PMS1: variants seen among roughly 807,000 people sequenced by gnomAD.
PMS1 encodes the protein PMS1 protein homolog 1.
PMS1 carries 79 observed loss-of-function variants against 93.1 expected under a neutral mutation model. The observed-to-expected ratio is 0.85, with a 90% CI of 0.71 to 1.02. PMS1 has a LOEUF of 1.02. Among genes scored for constraint, PMS1 ranks in the 50% least tolerant of loss-of-function variants. PMS1 has a pLI of 0.00. For missense variants in PMS1, 1,064 were observed against 1,085.3 expected (o/e 0.98, Z 0.28); for synonymous variants, 335 against 363.4 (o/e 0.92, Z 0.89).
At chr2:189,805,839 A>T (rs755473732) in intron 4 of PMS1, 85 bp downstream of exon 4, 1 of 1,576,706 alleles carries the variant, frequency 6.3e-7, no homozygotes, top group Admixed American at 1.8e-5. Context: ...CTCGGTGAAT[A>T]CAAATATATT....
intron 4 of PMS1, among the ~76,000 whole-genome samples, chr2:189,817,692 A>T (rs2051447080): frequency 6.6e-6 from 1 of 152,214 alleles, no homozygotes; most frequent in Non-Finnish European, 1.5e-5. Flanking sequence ...AGTCCAGAAT[A>T]AGCACCATTC....
At chr2:189,871,958 T>G (rs1183085577) in intron 11 of PMS1, among the ~76,000 whole-genome samples, 1 of 152,150 alleles carries the variant, frequency 6.6e-6, no homozygotes, top group African/African-American at 2.4e-5. Flanking sequence ...AAGAGAGAGA[T>G]GCCAGGCTCT....
chr2:189,825,016 T>C (rs1410727543), intron 5 of PMS1, among the ~76,000 whole-genome samples: 8 of 152,130 alleles, frequency 5.3e-5, no homozygotes, highest in Admixed American at 5.2e-4. Context: ...CTGACGATAT[T>C]GTTGTCTTTA....
intron 5 of PMS1, among the ~76,000 whole-genome samples, chr2:189,843,137 C>T (rs1214330096): frequency 6.6e-6 from 1 of 152,076 alleles, no homozygotes; most frequent in Non-Finnish European, 1.5e-5. Context: ...CCTGCCTCAG[C>T]CTCCCAAGTA....
intron 1 of PMS1, among the ~76,000 whole-genome samples, chr2:189,789,337 A>G (rs889136931): frequency 1.2e-4 from 19 of 152,160 alleles, no homozygotes; most frequent in Non-Finnish European, 2.6e-4. Context: ...GATTTGCTCC[A>G]TTTTTATAGA....
intron 4 of PMS1, among the ~76,000 whole-genome samples, chr2:189,807,262 C>T (rs1289281365): frequency 6.6e-6 from 1 of 151,936 alleles, no homozygotes; most frequent in Non-Finnish European, 1.5e-5. Context: ...CTCATTTATT[C>T]AGTTAATGAA....
At position 189,795,744 on chromosome 2, in the gene PMS1, A is replaced by G. The variant is rs375542461; in HGVS notation, c.133-25A>G. ...TAACAGTTTAATATTTTTACATATT[A>G]AAAGTGTTTTTTGACATTTTATAGG... On this transcript the variant is annotated intron_variant, in intron 2 of 12. Coordinates refer to ENST00000441310, the MANE Select transcript of PMS1 (RefSeq NM_000534.5). The G allele has an allele frequency of 4.5e-6, 7 of 1,564,160 alleles. No individual in the cohort carries two copies. The African/African-American group carries it at 8.1e-5, about 18-fold the overall frequency.
At chr2:189,850,485 G>A (rs541891121) in intron 6 of PMS1, among the ~76,000 whole-genome samples, 1 of 152,322 alleles carries the variant, frequency 6.6e-6, no homozygotes, top group Admixed American at 6.5e-5. Context: ...GCCAGTTGAA[G>A]ATGGTAAGCA....
chr2:189,828,048 C>A (rs543848627), intron 5 of PMS1, among the ~76,000 whole-genome samples: 8 of 151,954 alleles, frequency 5.3e-5, no homozygotes, highest in South Asian at 2.1e-4. Context: ...CTCAGCCTCC[C>A]GAATAGCTGG....
intron 6 of PMS1, among the ~76,000 whole-genome samples, chr2:189,847,303 T>TA (rs1334479258): frequency 2.0e-5 from 3 of 152,190 alleles, no homozygotes; most frequent in African/African-American, 4.8e-5. Flanking sequence ...CCCCAGGTTA[T>TA]ATACTTCCAT....
chr2:189,855,485 T>C lies in PMS1; in HGVS notation c.1856+357T>C, dbSNP rs557016188. Among the ~76,000 whole-genome samples the C allele has an allele frequency of 2.2e-4, 34 of 152,088 alleles. 2 individuals are homozygous for C. The East Asian group carries it at 4.6e-3, about 21-fold the overall frequency. ...AATAACTTTTCTGTTGTAGAACTTT[T>C]TAAAAAAGCTTTTGCATTGGAACAG... On this transcript the variant is annotated intron_variant, in intron 9 of 12. Transcript: ENST00000441310.
In PMS1 at chr2:189,801,496, TTTTTC is replaced by T. The variant is rs538487922; in HGVS notation, c.316-4151_316-4147del. ...ATCACATAATAAAAAACACAAAATA[TTTTTC>T]TTTTTAGGTTGATATTTTATATGTG... On this transcript the variant is annotated intron_variant, in intron 3 of 12. Transcript: ENST00000441310. Among the ~76,000 whole-genome samples, 26 of 152,336 alleles carry T rather than the reference TTTTTC, an allele frequency of 1.7e-4. No homozygotes were observed. In the South Asian group the frequency reaches 4.3e-3, roughly 25 times the overall value.
rs1256397998 is a variant in PMS1 at position 189,852,661 on chromosome 2, C to T, written c.706C>T (p.Leu236Phe). ...TTCTGTAATTATTATATAGATTTAT[C>T]TCAGTGGATTTCTTCCAAAGTGTGA... ...QYHSEESQIYLSGFLPKCDAD... is the reference protein window; with the variant it reads ...QYHSEESQIYFSGFLPKCDAD... The change falls in exon 7 of 13, where the codon CTC becomes TTC. Residue 236 changes from leucine (L) to phenylalanine (F), a missense_variant. Coordinates refer to ENST00000441310, the MANE Select transcript of PMS1 (RefSeq NM_000534.5). The T allele has an allele frequency of 6.2e-7, 1 of 1,606,344 alleles. No individual in the cohort carries two copies. The highest frequency in any genetic ancestry group is 1.1e-5 in the South Asian group (1 of 90,940).
At chr2:189,791,185 G>A (rs930127810) in intron 1 of PMS1, among the ~76,000 whole-genome samples, 1 of 151,992 alleles carries the variant, frequency 6.6e-6, no homozygotes, top group Non-Finnish European at 1.5e-5. Context: ...ATCAATAGAG[G>A]AATTGTTGAA....
At position 189,865,414 on chromosome 2, in the gene PMS1, A is replaced by C. The variant is rs1186818353; in HGVS notation, c.2342+1186A>C. ...AACATGGAGGGCTGAATAGATTTAG[A>C]TTCTATTTTCTGATGAATCTACTTA... On this transcript the variant is annotated intron_variant, in intron 10 of 12. Transcript: ENST00000441310. Among the ~76,000 whole-genome samples, 18 of 152,194 alleles carry C rather than the reference A, an allele frequency of 1.2e-4. No individual in the cohort carries two copies. The East Asian group carries it at 3.5e-3, about 29-fold the overall frequency.
At position 189,863,985 on chromosome 2, in the gene PMS1, C is replaced by A. The variant is rs370578519; in HGVS notation, c.2099C>A (p.Pro700His). Residue 700 changes from proline to histidine, a missense_variant, in exon 10 of 13, where the codon CCC becomes CAC. By Grantham distance (77) the Pro-to-His change is moderately conservative (BLOSUM62 -2). Coordinates refer to ENST00000441310, the MANE Select transcript of PMS1 (RefSeq NM_000534.5). ...RSQNIKMVQI[P>H]FSMKNLKINF... is the part of the protein sequence containing the mutation. ...CAAAATATTAAAATGGTACAGATCC[C>A]CTTTTCTATGAAAAACTTAAAAATA... 8.7e-6 allele frequency: 14 copies of A among 1,608,040 alleles called. No individual in the cohort carries two copies. The highest frequency in any genetic ancestry group is 1.2e-5 in the Non-Finnish European group (14 of 1,175,754).
At chr2:189,790,540 C>T (rs1056670656) in intron 1 of PMS1, among the ~76,000 whole-genome samples, 6 of 152,156 alleles carry the variant, frequency 3.9e-5, no homozygotes, top group South Asian at 4.1e-4. Flanking sequence ...AAATAAAAAT[C>T]TCAAAAGTAC....
chr2:189,840,400 T>TAA (rs1559284188), intron 5 of PMS1, among the ~76,000 whole-genome samples: 1 of 152,204 alleles, frequency 6.6e-6, no homozygotes, highest in Non-Finnish European at 1.5e-5. Flanking sequence ...GGTACAAGAG[T>TAA]AGGTTACAGC....
intron 5 of PMS1, among the ~76,000 whole-genome samples, chr2:189,828,437 A>G (rs1305334044): frequency 1.3e-5 from 2 of 152,342 alleles, no homozygotes; most frequent in Non-Finnish European, 2.9e-5. Flanking sequence ...TAAATGTGTA[A>G]TTATTGTGTG....
Sources: allele counts gnomAD v4.1 joint callset (sites outside exome capture counted in the v4.1 genomes callset), GRCh38; gene constraint gnomAD v4.1.1; transcripts MANE v1.5; gene names NCBI Gene and HGNC (gene_info 2026-07-23, HGNC 2026-07-21).